Variants in CCDC158 observed in about 807,000 individuals in gnomAD.
CCDC158 encodes the protein coiled-coil domain-containing protein 158.
CCDC158 carries 116 observed loss-of-function variants against 138.6 expected under a neutral mutation model. The observed-to-expected ratio is 0.84, with a 90% CI of 0.72 to 0.98. The LOEUF (loss-of-function observed/expected upper bound fraction) is 0.98, where lower values mean the gene tolerates loss of function less well. CCDC158 is among the 50% of genes least tolerant of loss of function. The pLI is 0.00. For synonymous variants in CCDC158, 436 were observed against 442.4 expected (o/e 0.99, Z 0.18); for missense variants, 1,265 against 1,306.1 (o/e 0.97, Z 0.48).
At chr4:76,383,947 G>T (rs1351706471) in intron 6 of CCDC158, 141 bp downstream of exon 6, 5 of 737,546 alleles carry the variant, frequency 6.8e-6, no homozygotes, top group Admixed American at 5.9e-5. Context: ...TATTATGAGA[G>T]ATTACTGTGG....
chr4:76,333,959 G>T, intron 19 of CCDC158, 51 bp downstream of exon 19: 1 of 1,376,278 alleles, frequency 7.3e-7, no homozygotes, highest in Non-Finnish European at 9.8e-7. Flanking sequence ...TAACTCAATG[G>T]CAAACCATTC....
chr4:76,330,949 C>T (rs894311799), intron 21 of CCDC158, among the ~76,000 whole-genome samples: 9 of 152,076 alleles, frequency 5.9e-5, no homozygotes, highest in African/African-American at 1.9e-4. Flanking sequence ...CTATCTTCAT[C>T]CATTCACTAA....
At position 76,362,202 on chromosome 4, in the gene CCDC158, C is replaced by G. The variant is rs745308189; in HGVS notation, c.1944G>C (p.Val648=). ...VNAGSERLRA[V]KDIKQERDQL... ...GATCTCTCTCTTGTTTGATGTCCTT[C>G]ACTGCACGGAGCCGCTCAGAGCCTG... Residue 648 remains valine (V), a synonymous_variant, in exon 13 of 25, where the codon GTG becomes GTC. Coordinates refer to ENST00000682701, the MANE Select transcript of CCDC158 (RefSeq NM_001394954.1). The G allele has an allele frequency of 6.2e-7, 1 of 1,614,168 alleles. No homozygotes were observed. The highest frequency in any genetic ancestry group is 8.5e-7 in the Non-Finnish European group (1 of 1,180,006).
chr4:76,350,426 T>C (rs1246328157), intron 18 of CCDC158, among the ~76,000 whole-genome samples: 1 of 152,210 alleles, frequency 6.6e-6, no homozygotes, highest in Non-Finnish European at 1.5e-5. Flanking sequence ...CCTTATTTCT[T>C]TACAGTTGAA....
At chr4:76,410,198 G>A (rs373984467) in intron 2 of CCDC158, among the ~76,000 whole-genome samples, 3 of 142,392 alleles carry the variant, frequency 2.1e-5, no homozygotes, top group Non-Finnish European at 4.4e-5. Flanking sequence ...CCTTTTTTTT[G>A]TTTTGAGACA....
intron 17 of CCDC158, 128 bp from the exon 18 acceptor site, chr4:76,351,249 C>T (rs985863795): frequency 7.4e-6 from 6 of 811,654 alleles, no homozygotes; most frequent in African/African-American, 3.5e-5. Flanking sequence ...ATGTCTGTAG[C>T]TTTAAAGTAC....
chr4:76,384,098 C>A lies in CCDC158; in HGVS notation c.716G>T (p.Arg239Met). 2.5e-6 allele frequency: 4 copies of A among 1,596,018 alleles called. No homozygotes were observed. Among genetic ancestry groups the A allele is most frequent in the Non-Finnish European group, 3.4e-6 (4 of 1,167,628 alleles). ...LDTEISYLKG[R>M]IFPVEDQLEA... ...ATTCTCACCACTTACTGGAAATATC[C>A]TCCCTTTAAGATAAGAAATCTCTGT... Residue 239 changes from arginine to methionine, a missense_variant, in exon 6 of 25, where the codon AGG becomes ATG. By Grantham distance (91) the Arg-to-Met change is moderately conservative. Transcript: ENST00000682701.
intron 18 of CCDC158, among the ~76,000 whole-genome samples, chr4:76,346,952 G>C (rs1410025224): frequency 2.0e-5 from 3 of 152,142 alleles, no homozygotes; most frequent in African/African-American, 7.2e-5. Context: ...GGTCATTAGA[G>C]AAATGCAAAT....
chr4:76,371,686 C>A, intron 9 of CCDC158, 150 bp from the exon 10 acceptor site: 1 of 901,214 alleles, frequency 1.1e-6, no homozygotes, highest in South Asian at 2.0e-5. Flanking sequence ...GCCTGTAATC[C>A]CAGCACTTTG....
intron 15 of CCDC158, among the ~76,000 whole-genome samples, chr4:76,354,751 C>A (rs1723380000): frequency 6.6e-6 from 1 of 152,182 alleles, no homozygotes; most frequent in Non-Finnish European, 1.5e-5. Context: ...CCACATCCAT[C>A]CACATCCGGT....
At chr4:76,339,061 G>A (rs980797038) in intron 18 of CCDC158, among the ~76,000 whole-genome samples, 3 of 152,036 alleles carry the variant, frequency 2.0e-5, no homozygotes, top group African/African-American at 7.2e-5. Context: ...TATAATATGT[G>A]GTGACCGGCT....
chr4:76,345,319 C>T (rs1377760473), intron 18 of CCDC158: 1 of 1,098,410 alleles, frequency 9.1e-7, no homozygotes, highest in Non-Finnish European at 1.4e-6. Flanking sequence ...CACACCAAAG[C>T]CCTCATTGAT....
chr4:76,344,481 A>G, intron 18 of CCDC158: 1 of 733,814 alleles, frequency 1.4e-6, no homozygotes, highest in Admixed American at 1.9e-5. Context: ...GGTGGGCAGG[A>G]GCTCAAGAGC....
intron 9 of CCDC158, among the ~76,000 whole-genome samples, chr4:76,378,019 G>A: frequency 6.6e-6 from 1 of 152,142 alleles, no homozygotes; most frequent in East Asian, 1.9e-4. Context: ...TCTTACTTTG[G>A]AAGACACTGC....
At chr4:76,333,556 G>A (rs563598630) in intron 19 of CCDC158, among the ~76,000 whole-genome samples, 3 of 152,118 alleles carry the variant, frequency 2.0e-5, no homozygotes, top group Non-Finnish European at 4.4e-5. Context: ...CAGAGAAAAC[G>A]AAGTATTTCC....
At chr4:76,399,183 G>A (rs1162870351) in intron 3 of CCDC158, among the ~76,000 whole-genome samples, 4 of 152,156 alleles carry the variant, frequency 2.6e-5, no homozygotes, top group African/African-American at 9.7e-5. Flanking sequence ...GACAAAATGT[G>A]GACAGCTGGT....
At chr4:76,404,608 T>C (rs1367683829) in intron 2 of CCDC158, among the ~76,000 whole-genome samples, 1 of 152,014 alleles carries the variant, frequency 6.6e-6, no homozygotes, top group African/African-American at 2.4e-5. Context: ...AACAAAACTA[T>C]ATCAGAAATA....
chr4:76,341,500 G>A (rs1242626109), intron 18 of CCDC158, among the ~76,000 whole-genome samples: 1 of 152,088 alleles, frequency 6.6e-6, no homozygotes, highest in Non-Finnish European at 1.5e-5. Flanking sequence ...TAAAAATCTT[G>A]CCCACATCAT....
intron 18 of CCDC158, among the ~76,000 whole-genome samples, chr4:76,336,625 C>T (rs1721536789): frequency 6.6e-6 from 1 of 152,148 alleles, no homozygotes; most frequent in African/African-American, 2.4e-5. Context: ...CATACCCATA[C>T]ACCTTCCAAC....
Sources: gnomAD v4.1 joint callset for allele counts (sites outside exome capture counted in the v4.1 genomes callset) on GRCh38, gnomAD v4.1.1 for gene constraint, MANE v1.5 for transcripts, NCBI Gene and HGNC (gene_info 2026-07-23, HGNC 2026-07-21) for gene names.